Variants in C13orf46 observed in about 807,000 individuals in gnomAD.
The protein encoded by C13orf46 is chromosome 13 open reading frame 46.
the C13orf46 span, among the ~76,000 whole-genome samples, chr13:113,948,482 C>T: frequency 7.0e-3 from 1,064 of 152,344 alleles, 11 homozygotes; most frequent in African/African-American, 0.024. Context: ...TGTGAGCACA[C>T]CGAAGCCCAC....
At chr13:113,947,220 C>G in the C13orf46 span, among the ~76,000 whole-genome samples, 3 of 152,214 alleles carry the variant, frequency 2.0e-5, no homozygotes, top group African/African-American at 7.2e-5. Flanking sequence ...CTGCTGGAAT[C>G]TTCCACACCG....
chr13:113,943,622 TC>T, the C13orf46 span, among the ~76,000 whole-genome samples: 13 of 152,196 alleles, frequency 8.5e-5, no homozygotes, highest in African/African-American at 3.1e-4. Context: ...TGACCCCCGT[TC>T]CCGTCATGGC....
chr13:113,941,894 T>G, the C13orf46 span, among the ~76,000 whole-genome samples: 1 of 152,218 alleles, frequency 6.6e-6, no homozygotes, highest in African/African-American at 2.4e-5. Context: ...CGCCTTCCTC[T>G]CCCCTTAGCA....
chr13:113,943,648 C>T, the C13orf46 span, among the ~76,000 whole-genome samples: 1 of 152,190 alleles, frequency 6.6e-6, no homozygotes, highest in Admixed American at 6.5e-5. Flanking sequence ...AACCACCTCT[C>T]GGGTTACATT....
At chr13:113,930,354 A>G in the C13orf46 span, among the ~76,000 whole-genome samples, 1 of 82,260 alleles carries the variant, frequency 1.2e-5, no homozygotes, top group African/African-American at 6.2e-5. Flanking sequence ...AGGAGCACCG[A>G]GGTGGGGGCG....
At position 113,973,929 on chromosome 13, in the gene C13orf46, C is replaced by T. The variant is rs1445449386; in HGVS notation, c.69G>A (p.Val23=). 6.6e-6 allele frequency: 1 copy of T among 152,326 alleles called. No homozygotes were observed. The allele number at this position is 152,326 out of a possible 1,614,324, so 9.4% of individuals were successfully genotyped here. ...RPGLRALPSG[V]ALGHLKAASE... ...TGGCCGCCTTGAGGTGCCCAAGGGC[C>T]ACTCCTGAGGGCAGGGCCCTGAGGC... Residue 23 remains valine (V), a synonymous_variant, in exon 1 of 7, where the codon GTG becomes GTA. Transcript: ENST00000636427.
the C13orf46 span, among the ~76,000 whole-genome samples, chr13:113,945,575 A>AAGAAAGAAAGAAAGAG: frequency 2.0e-4 from 18 of 89,144 alleles, no homozygotes; most frequent in African/African-American, 6.7e-4. Context: ...GAAAGAAAGA[A>AAGAAAGAAAGAAAGAG]AGAGAGAGAG....
intron 1 of C13orf46, among the ~76,000 whole-genome samples, chr13:113,972,375 CATT>C (rs2052716739): frequency 6.6e-6 from 1 of 152,228 alleles, no homozygotes; most frequent in African/African-American, 2.4e-5. Flanking sequence ...ATTTTTACAT[CATT>C]ACCTCTTAAA....
chr13:113,945,604 AG>A, the C13orf46 span, among the ~76,000 whole-genome samples: 1,027 of 94,822 alleles, frequency 0.011, 9 homozygotes, highest in Non-Finnish European at 0.017. Flanking sequence ...AAAGAAAGAA[AG>A]AAGAAAGAAA....
At chr13:113,936,916 A>G in the C13orf46 span, among the ~76,000 whole-genome samples, 199 of 152,262 alleles carry the variant, frequency 1.3e-3, no homozygotes, top group African/African-American at 4.4e-3. Flanking sequence ...GGGAAGTTGC[A>G]TATTTTGAGC....
At chr13:113,940,391 C>G in the C13orf46 span, among the ~76,000 whole-genome samples, 1 of 152,260 alleles carries the variant, frequency 6.6e-6, no homozygotes, top group Admixed American at 6.5e-5. Context: ...GCCACCCAGA[C>G]AGAAGACGCA....
chr13:113,969,736 G>A (rs922430911), intron 2 of C13orf46, among the ~76,000 whole-genome samples: 4 of 152,168 alleles, frequency 2.6e-5, no homozygotes, highest in Admixed American at 2.6e-4. Context: ...GCAAGAACTC[G>A]GCAGTACGAA....
intron 6 of C13orf46, among the ~76,000 whole-genome samples, chr13:113,964,360 C>T (rs1258655167): frequency 7.2e-5 from 11 of 152,324 alleles, no homozygotes; most frequent in Admixed American, 1.3e-4. Flanking sequence ...TTCAGGGCCT[C>T]GGGCCTCGGG....
At chr13:113,964,770 G>A (rs2052620119) in intron 6 of C13orf46, among the ~76,000 whole-genome samples, 157 bp downstream of exon 6, 1 of 152,138 alleles carries the variant, frequency 6.6e-6, no homozygotes, top group Non-Finnish European at 1.5e-5. Flanking sequence ...CCTCAGGCTC[G>A]GCAGGTGCTG....
chr13:113,951,911 G>A (rs958726570), downstream of C13orf46, among the ~76,000 whole-genome samples: 68 of 152,304 alleles, frequency 4.5e-4, no homozygotes, highest in East Asian at 7.7e-3. Flanking sequence ...ACAGTGCAAC[G>A]CGACCCCACT....
downstream of C13orf46, among the ~76,000 whole-genome samples, chr13:113,948,728 G>C (rs2052478828): frequency 6.6e-6 from 1 of 152,210 alleles, no homozygotes; most frequent in Non-Finnish European, 1.5e-5. Context: ...ATCTCAGTGT[G>C]CATGAGCTTA....
the C13orf46 span, among the ~76,000 whole-genome samples, chr13:113,946,239 C>T: frequency 6.6e-6 from 1 of 152,192 alleles, no homozygotes; most frequent in Non-Finnish European, 1.5e-5. Context: ...CCAATTGGAC[C>T]AACGTCGCGT....
At chr13:113,972,114 G>A (rs538694817) in intron 1 of C13orf46, among the ~76,000 whole-genome samples, 1 of 152,264 alleles carries the variant, frequency 6.6e-6, no homozygotes, top group Admixed American at 6.5e-5. Flanking sequence ...CCACAATGGG[G>A]CTCAATCCCT....
chr13:113,927,330 C>G, the C13orf46 span: 1 of 389,394 alleles, frequency 2.6e-6, no homozygotes, highest in Non-Finnish European at 4.5e-6. Context: ...TGCCACCAGG[C>G]CTGTGAGGCA....
Sources: gnomAD v4.1 joint callset for allele counts (sites outside exome capture counted in the v4.1 genomes callset) on GRCh38, gnomAD v4.1.1 for gene constraint, MANE v1.5 for transcripts, NCBI Gene and HGNC (gene_info 2026-07-23, HGNC 2026-07-21) for gene names.